KCNF1: variants seen among roughly 807,000 people sequenced by gnomAD.
KCNF1 encodes the protein potassium voltage-gated channel modifier subfamily F member 1, also known as voltage-gated potassium channel regulatory subunit KCNF1.
KCNF1 carries 9 observed loss-of-function variants against 28.6 expected under a neutral mutation model. The ratio of observed to expected loss-of-function variants is 0.31; its 90% CI spans 0.19 to 0.55. KCNF1 has a LOEUF of 0.55. Among genes scored for constraint, KCNF1 ranks in the 20% least tolerant of loss-of-function variants. The pLI is 0.93. For synonymous variants in KCNF1, 328 were observed against 299.6 expected, an observed-to-expected ratio of 1.09 and a Z score of -0.98; for missense variants, 461 against 684.2, an observed-to-expected ratio of 0.67 and a Z score of 3.64.
In KCNF1 at chr2:10,912,191, G is replaced by A. The variant is rs1661545951; in HGVS notation, c.-236G>A. The A allele has an allele frequency of 6.6e-6, 1 of 151,572 alleles. No homozygotes were observed. The highest frequency in any genetic ancestry group is 2.4e-5 in the African/African-American group (1 of 41,086). 9.4% of individuals were successfully genotyped at this position (151,572 alleles called of 1,614,324 possible). On this transcript the variant is annotated 5_prime_UTR_variant, in exon 1 of 1. Coordinates refer to ENST00000295082, the MANE Select transcript of KCNF1 (RefSeq NM_002236.5). The surrounding 1 kb of genome is among the most constrained non-coding windows in gnomAD (Gnocchi z 7.9). Reference sequence around the variant, plus strand: ...GGCCGGCGGCCGCCAAAGCCCCCGCGGGCTCGCCCGGGCGCCCGGATGCCA... The same window carrying A: ...GGCCGGCGGCCGCCAAAGCCCCCGCAGGCTCGCCCGGGCGCCCGGATGCCA...
Position 10,913,870 on chromosome 2 carries a change from G to T in KCNF1, c.1444G>T (p.Glu482Ter), listed in dbSNP as rs138500972. 3 of 1,526,192 alleles carry T rather than the reference G, an allele frequency of 2.0e-6. No homozygotes were observed. The highest frequency in any genetic ancestry group is 1.3e-5 in the South Asian group (1 of 75,862). The allele number at this position is 1,526,192 out of a possible 1,614,324, so 94.5% of individuals were successfully genotyped here. Residue 482 changes from glutamate (E) to a stop codon, truncating the protein, a stop_gained, in exon 1 of 1, where the codon GAG (glutamate) becomes TAG (stop). Coordinates refer to ENST00000295082, the MANE Select transcript of KCNF1 (RefSeq NM_002236.5). LOFTEE classifies it high-confidence loss of function. This position sits in a 1 kb window ranked among gnomAD's most constrained non-coding sequence, Gnocchi z 5.5. ...CGACACCTTCATCCCCCTCCTGACC[G>T]AGGAGAAGCACCACAGGACCCGGCT... ...HSDTFIPLLT[E>*]EKHHRTRLQS...
In KCNF1 at chr2:10,912,909, G is replaced by C; in HGVS notation, c.483G>C (p.Trp161Cys). The C allele has an allele frequency of 6.2e-7, 1 of 1,610,596 alleles. No homozygotes were observed. Among genetic ancestry groups the C allele is most frequent in the Non-Finnish European group, 8.5e-7 (1 of 1,179,674 alleles). ...DLGVDAAEGR[W>C]RRCQKCVWKF... ...GCGTGGACGCAGCCGAGGGCCGCTG[G>C]CGCCGCTGCCAGAAGTGCGTCTGGA... The change falls in exon 1 of 1, where the codon TGG becomes TGC. Residue 161 changes from tryptophan to cysteine, a missense_variant. By Grantham distance (215) the Trp-to-Cys change is radical (BLOSUM62 -2). Around this residue, in one of 4 missense-constraint regions of KCNF1, gnomAD observed 193 missense variants for 280.6 expected, o/e 0.69. Coordinates refer to ENST00000295082, the MANE Select transcript of KCNF1 (RefSeq NM_002236.5). This position sits in a 1 kb window ranked among gnomAD's most constrained non-coding sequence, Gnocchi z 7.9.
In KCNF1 at chr2:10,913,605, T is replaced by C. The variant is rs763520542; in HGVS notation, c.1179T>C (p.Cys393=). ...TCAACGCGGCCATCAGCTTCTTGTG[T>C]GGTGTCATCGCCATCGCCCTGCCCA... ...GKLNAAISFL[C]GVIAIALPIH... The change falls in exon 1 of 1, where the codon TGT becomes TGC. Residue 393 remains cysteine (C), a synonymous_variant. Coordinates refer to ENST00000295082, the MANE Select transcript of KCNF1 (RefSeq NM_002236.5). This position sits in a 1 kb window ranked among gnomAD's most constrained non-coding sequence, Gnocchi z 5.5. The C allele has an allele frequency of 1.9e-6, 3 of 1,613,254 alleles. No homozygotes were observed. Among genetic ancestry groups the C allele is most frequent in the East Asian group, 2.2e-5 (1 of 44,884 alleles).
Position 10,913,011 on chromosome 2 carries a change from G to T in KCNF1, c.585G>T (p.Ser195=), listed in dbSNP as rs771134990. 4.4e-6 allele frequency: 7 copies of T among 1,602,906 alleles called. No homozygotes were observed. In the East Asian group the frequency reaches 1.6e-4, roughly 36 times the overall value. Reference sequence around the variant, plus strand: ...TCTCCTTCCTGCTCATCCTCGTCTCGTCCGTGGTCATGTGCATGGGCACCA... The same window carrying T: ...TCTCCTTCCTGCTCATCCTCGTCTCTTCCGTGGTCATGTGCATGGGCACCA... The part of the protein sequence containing the change: ...AVLSFLLILV[S]SVVMCMGTIP... Residue 195 remains serine, a synonymous_variant, in exon 1 of 1, where the codon TCG becomes TCT. Coordinates refer to ENST00000295082, the MANE Select transcript of KCNF1 (RefSeq NM_002236.5). This position sits in a 1 kb window ranked among gnomAD's most constrained non-coding sequence, Gnocchi z 5.5.
Position 10,913,417 on chromosome 2 carries a change from C to T in KCNF1, c.991C>T (p.Leu331=). The change falls in exon 1 of 1, where the codon CTG becomes TTG. Residue 331 remains leucine (L), a synonymous_variant. Transcript: ENST00000295082. The surrounding 1 kb of genome is among the most constrained non-coding windows in gnomAD (Gnocchi z 5.5). Reference sequence around the variant, plus strand: ...GGAACTGGGGCTGCTGCTCATGTACCTGGCAGTGGGTATCTTCGTCTTCTC... The same window carrying T: ...GGAACTGGGGCTGCTGCTCATGTACTTGGCAGTGGGTATCTTCGTCTTCTC... ...FKELGLLLMY[L]AVGIFVFSAL... 2 of 1,614,188 alleles carry T rather than the reference C, an allele frequency of 1.2e-6. No individual in the cohort carries two copies. Among genetic ancestry groups the T allele is most frequent in the Non-Finnish European group, 1.7e-6 (2 of 1,180,022 alleles).
Position 10,912,666 on chromosome 2 carries a change from C to T in KCNF1, c.240C>T (p.Asp80=). The T allele has an allele frequency of 6.2e-7, 1 of 1,614,076 alleles. No individual in the cohort carries two copies. The highest frequency in any genetic ancestry group is 8.5e-7 in the Non-Finnish European group (1 of 1,180,020). ...CCGGCAAGCGCGAGTTCTACTTTGA[C>T]AGGGACCCGGACGCCTTCAAGTGTG... ...YDPGKREFYF[D]RDPDAFKCVI... Residue 80 remains aspartate, a synonymous_variant, in exon 1 of 1, where the codon GAC becomes GAT. Coordinates refer to ENST00000295082, the MANE Select transcript of KCNF1 (RefSeq NM_002236.5). This position sits in a 1 kb window ranked among gnomAD's most constrained non-coding sequence, Gnocchi z 7.9.
rs1390230280 is a variant in KCNF1, at chr2:10,913,851, C to T, written c.1425C>T (p.Thr475=). 2 of 1,540,654 alleles carry T rather than the reference C, an allele frequency of 1.3e-6. No individual in the cohort carries two copies. The highest frequency in any genetic ancestry group is 1.4e-5 in the African/African-American group (1 of 72,642). Residue 475 remains threonine (T), a synonymous_variant, in exon 1 of 1, where the codon ACC becomes ACT. Coordinates refer to ENST00000295082, the MANE Select transcript of KCNF1 (RefSeq NM_002236.5). This position sits in a 1 kb window ranked among gnomAD's most constrained non-coding sequence, Gnocchi z 5.5. ...SSRLKLSHSD[T]FIPLLTEEKH... is the part of the protein sequence containing the mutation. ...GGCTGAAGCTCTCCCACAGCGACAC[C>T]TTCATCCCCCTCCTGACCGAGGAGA... is the stretch of plus-strand genomic sequence containing the variant.
At position 10,912,485 on chromosome 2, in the gene KCNF1, G is replaced by A. The variant is rs772769148; in HGVS notation, c.59G>A (p.Ser20Asn). The A allele has an allele frequency of 1.3e-6, 2 of 1,535,064 alleles. No homozygotes were observed. The highest frequency in any genetic ancestry group is 8.8e-7 in the Non-Finnish European group (1 of 1,142,452). Residue 20 changes from serine to asparagine, a missense_variant, in exon 1 of 1, where the codon AGC becomes AAC. Transcript: ENST00000295082. The surrounding 1 kb of genome is among the most constrained non-coding windows in gnomAD (Gnocchi z 7.9). ...CCGGGCAGCCAGAGCTCCGCTGCCA[G>A]CGACGACATAGAGATAGTCGTCAAC... ...PEPGSQSSAA[S>N]DDIEIVVNVG...
At position 10,913,332 on chromosome 2, in the gene KCNF1, G is replaced by A. The variant is rs1186562722; in HGVS notation, c.906G>A (p.Lys302=). ...TCATGCGCATCGCGCGCATCTTCAA[G>A]CTGGCCCGCCACTCCTCGGGCCTGC... ...LRIMRIARIF[K]LARHSSGLQT... Residue 302 remains lysine, a synonymous_variant, in exon 1 of 1, where the codon AAG becomes AAA. Coordinates refer to ENST00000295082, the MANE Select transcript of KCNF1 (RefSeq NM_002236.5). This position sits in a 1 kb window ranked among gnomAD's most constrained non-coding sequence, Gnocchi z 5.5. 7 of 1,612,876 alleles carry A rather than the reference G, an allele frequency of 4.3e-6. No homozygotes were observed. Among genetic ancestry groups the A allele is most frequent in the Non-Finnish European group, 8.5e-7 (1 of 1,179,732 alleles).
At position 10,913,073 on chromosome 2, in the gene KCNF1, G is replaced by A; in HGVS notation, c.647G>A (p.Arg216His). ...CAGGTGCTGGACGCCGAGGGCAACCGCGTGGAGCACCCGACGCTGGAGAAC... is the reference window on the plus strand; with the variant it reads ...CAGGTGCTGGACGCCGAGGGCAACCACGTGGAGCACCCGACGCTGGAGAAC... ...ELQVLDAEGN[R>H]VEHPTLENVE... Residue 216 changes from arginine (R) to histidine (H), a missense_variant, in exon 1 of 1, where the codon CGC becomes CAC. Transcript: ENST00000295082. This position sits in a 1 kb window ranked among gnomAD's most constrained non-coding sequence, Gnocchi z 5.5. 2 of 1,606,712 alleles carry A rather than the reference G, an allele frequency of 1.2e-6. No individual in the cohort carries two copies. The highest frequency in any genetic ancestry group is 1.7e-6 in the Non-Finnish European group (2 of 1,179,992).
In KCNF1 at chr2:10,913,752, C is replaced by G. The variant is rs752912706; in HGVS notation, c.1326C>G (p.Thr442=). 1.1e-5 allele frequency: 17 copies of G among 1,612,316 alleles called. No homozygotes were observed. In the South Asian group the frequency reaches 1.7e-4, roughly 16 times the overall value. ...CCAGCAGCGGGGGCGAGGGCAAGAC[C>G]GGGGGCTCCCGCAGTGACCTGGACA... is the stretch of plus-strand genomic sequence containing the variant. ...LNSSSGGEGK[T]GGSRSDLDNL... The change falls in exon 1 of 1, where the codon ACC becomes ACG. Residue 442 remains threonine (T), a synonymous_variant. Coordinates refer to ENST00000295082, the MANE Select transcript of KCNF1 (RefSeq NM_002236.5). The surrounding 1 kb of genome is among the most constrained non-coding windows in gnomAD (Gnocchi z 5.5).
Position 10,912,818 on chromosome 2 carries a change from TGAGC to T in KCNF1, c.396_399del (p.Ser132ArgfsTer123). Reference sequence around the variant, plus strand: ...CTGGACGACTGTTGCAAGAGCCACCTGAGCGAGAAGCGCGAGGAGCTGGAGGAGA... The same window carrying T: ...CTGGACGACTGTTGCAAGAGCCACCTGAGAAGCGCGAGGAGCTGGAGGAGA... On this transcript the variant is annotated frameshift_variant, in exon 1 of 1. Coordinates refer to ENST00000295082, the MANE Select transcript of KCNF1 (RefSeq NM_002236.5). LOFTEE classifies it high-confidence loss of function. This position sits in a 1 kb window ranked among gnomAD's most constrained non-coding sequence, Gnocchi z 7.9. 1 of 1,613,972 alleles carries T rather than the reference TGAGC, an allele frequency of 6.2e-7. No homozygotes were observed. Among genetic ancestry groups the T allele is most frequent in the Non-Finnish European group, 8.5e-7 (1 of 1,180,042 alleles).
chr2:10,912,708 T>C lies in KCNF1; in HGVS notation c.282T>C (p.Tyr94=). The change falls in exon 1 of 1, where the codon TAT becomes TAC. Residue 94 remains tyrosine (Y), a synonymous_variant. Coordinates refer to ENST00000295082, the MANE Select transcript of KCNF1 (RefSeq NM_002236.5). This position sits in a 1 kb window ranked among gnomAD's most constrained non-coding sequence, Gnocchi z 7.9. ...DAFKCVIEVY[Y]FGEVHMKKGI... is the part of the protein sequence containing the mutation. Reference sequence around the variant, plus strand: ...TCAAGTGTGTCATCGAGGTGTACTATTTCGGGGAGGTCCACATGAAGAAGG... The same window carrying C: ...TCAAGTGTGTCATCGAGGTGTACTACTTCGGGGAGGTCCACATGAAGAAGG... 1 of 1,614,138 alleles carries C rather than the reference T, an allele frequency of 6.2e-7. No individual in the cohort carries two copies. The highest frequency in any genetic ancestry group is 8.5e-7 in the Non-Finnish European group (1 of 1,180,026).
rs963736216 is a variant in KCNF1, at chr2:10,914,128, G to A, written c.*217G>A. ...CGGGAGGGAGGGGTGTGCAGGAGCC[G>A]CAGGGCCGTGTGGGACGAGTGGAGG... On this transcript the variant is annotated 3_prime_UTR_variant, in exon 1 of 1. Coordinates refer to ENST00000295082, the MANE Select transcript of KCNF1 (RefSeq NM_002236.5). The A allele has an allele frequency of 7.9e-6, 4 of 505,952 alleles. No homozygotes were observed. Among genetic ancestry groups the A allele is most frequent in the African/African-American group, 2.0e-5 (1 of 51,050 alleles). The allele number at this position is 505,952 out of a possible 1,614,324, so 31.3% of individuals were successfully genotyped here.
At position 10,912,593 on chromosome 2, in the gene KCNF1, T is replaced by C; in HGVS notation, c.167T>C (p.Leu56Ser). Residue 56 changes from leucine to serine, a missense_variant, in exon 1 of 1, where the codon TTG becomes TCG. Coordinates refer to ENST00000295082, the MANE Select transcript of KCNF1 (RefSeq NM_002236.5). The surrounding 1 kb of genome is among the most constrained non-coding windows in gnomAD (Gnocchi z 7.9). ...CGGCTGGCGGAGCTCATCAACTGCT[T>C]GGCTGGGGGCTACGACACCATCTTC... ...ETRLAELINC[L>S]AGGYDTIFSL... 6.2e-7 allele frequency: 1 copy of C among 1,612,552 alleles called. No individual in the cohort carries two copies. Among genetic ancestry groups the C allele is most frequent in the Non-Finnish European group, 8.5e-7 (1 of 1,179,424 alleles).
At position 10,913,539 on chromosome 2, in the gene KCNF1, C is replaced by T. The variant is rs771906770; in HGVS notation, c.1113C>T (p.Val371=). ...GGGCCATCATCACCATGACCACCGT[C>T]GGCTACGGCGACATCTACCCCAAGA... ...FWWAIITMTT[V]GYGDIYPKTT... is the part of the protein sequence containing the mutation. Residue 371 remains valine, a synonymous_variant, in exon 1 of 1, where the codon GTC becomes GTT. Coordinates refer to ENST00000295082, the MANE Select transcript of KCNF1 (RefSeq NM_002236.5). This position sits in a 1 kb window ranked among gnomAD's most constrained non-coding sequence, Gnocchi z 5.5. The T allele has an allele frequency of 1.9e-5, 30 of 1,613,750 alleles. No individual in the cohort carries two copies. Among genetic ancestry groups the T allele is most frequent in the South Asian group, 1.4e-4 (13 of 91,088 alleles).
At position 10,912,691 on chromosome 2, in the gene KCNF1, G is replaced by A. The variant is rs1661557368; in HGVS notation, c.265G>A (p.Val89Ile). 2 of 1,614,158 alleles carry A rather than the reference G, an allele frequency of 1.2e-6. No homozygotes were observed. The highest frequency in any genetic ancestry group is 1.7e-6 in the Non-Finnish European group (2 of 1,180,034). The stretch of plus-strand genomic sequence containing the variant: ...CAGGGACCCGGACGCCTTCAAGTGT[G>A]TCATCGAGGTGTACTATTTCGGGGA... ...FDRDPDAFKC[V>I]IEVYYFGEVH... Residue 89 changes from valine (V) to isoleucine (I), a missense_variant, in exon 1 of 1, where the codon GTC (valine) becomes ATC (isoleucine). Around this residue, in one of 4 missense-constraint regions of KCNF1, gnomAD observed 193 missense variants for 280.6 expected, o/e 0.69. Coordinates refer to ENST00000295082, the MANE Select transcript of KCNF1 (RefSeq NM_002236.5). The surrounding 1 kb of genome is among the most constrained non-coding windows in gnomAD (Gnocchi z 7.9).
In KCNF1 at chr2:10,913,119, C is replaced by G; in HGVS notation, c.693C>G (p.Gly231=). ...TLENVETACI[G]WFTLEYLLRL... is the part of the protein sequence containing the mutation. ...AGAACGTGGAGACGGCGTGCATTGGCTGGTTCACCCTGGAGTACCTGCTGC... is the reference window on the plus strand; with the variant it reads ...AGAACGTGGAGACGGCGTGCATTGGGTGGTTCACCCTGGAGTACCTGCTGC... The change falls in exon 1 of 1, where the codon GGC becomes GGG. Residue 231 remains glycine, a synonymous_variant. Transcript: ENST00000295082. The surrounding 1 kb of genome is among the most constrained non-coding windows in gnomAD (Gnocchi z 5.5). 2 of 1,611,850 alleles carry G rather than the reference C, an allele frequency of 1.2e-6. No homozygotes were observed. The highest frequency in any genetic ancestry group is 2.2e-5 in the South Asian group (2 of 91,092).
At position 10,912,455 on chromosome 2, in the gene KCNF1, C is replaced by A; in HGVS notation, c.29C>A (p.Pro10Gln). 2 of 1,464,008 alleles carry A rather than the reference C, an allele frequency of 1.4e-6. No individual in the cohort carries two copies. Among genetic ancestry groups the A allele is most frequent in the Middle Eastern group, 2.5e-4 (1 of 4,078 alleles). The allele number at this position is 1,464,008 out of a possible 1,614,324, so 90.7% of individuals were successfully genotyped here. Reference protein sequence around the residue: MDGSGERSLPEPGSQSSAAS... With the variant: MDGSGERSLQEPGSQSSAAS... Reference sequence around the variant, plus strand: ...GACGGGTCCGGGGAGCGCAGCCTCCCGGAGCCGGGCAGCCAGAGCTCCGCT... The same window carrying A: ...GACGGGTCCGGGGAGCGCAGCCTCCAGGAGCCGGGCAGCCAGAGCTCCGCT... The change falls in exon 1 of 1, where the codon CCG becomes CAG. Residue 10 changes from proline (P) to glutamine (Q), a missense_variant. Coordinates refer to ENST00000295082, the MANE Select transcript of KCNF1 (RefSeq NM_002236.5). The surrounding 1 kb of genome is among the most constrained non-coding windows in gnomAD (Gnocchi z 7.9).
Sources: allele counts gnomAD v4.1 joint callset, GRCh38; gene constraint gnomAD v4.1.1; regional missense constraint gnomAD v4.1.1; non-coding constraint Gnocchi (gnomAD v3.1); transcripts MANE v1.5; gene names NCBI Gene and HGNC (gene_info 2026-07-23, HGNC 2026-07-21).